The following SCYL2 variants were observed in gnomAD, a reference collection of about 807,000 sequenced individuals.
The protein encoded by SCYL2 is SCY1 like pseudokinase 2, also known as SCY1-like protein 2.
Under a neutral mutation model 100.4 loss-of-function variants are expected in SCYL2, and 36 were observed. That is an observed-to-expected ratio of 0.36 (90% CI 0.27 to 0.47). SCYL2 has a LOEUF of 0.47. Among genes scored for constraint, SCYL2 ranks in the 20% least tolerant of loss-of-function variants. The pLI, the probability that SCYL2 is intolerant of heterozygous loss-of-function variation, is 1.00. For missense variants in SCYL2, 902 were observed against 1,083.9 expected (o/e 0.83, Z 2.36); for synonymous variants, 330 against 359.2 (o/e 0.92, Z 0.92).
intron 13 of SCYL2, among the ~76,000 whole-genome samples, chr12:100,332,459 C>G (rs1952222312): frequency 6.6e-6 from 1 of 152,114 alleles, no homozygotes; most frequent in Non-Finnish European, 1.5e-5. Context: ...TTTAGGCCTA[C>G]AATGTTAACT....
chr12:100,306,886 G>A (rs552275244), intron 4 of SCYL2, among the ~76,000 whole-genome samples: 48 of 152,154 alleles, frequency 3.2e-4, no homozygotes, highest in African/African-American at 1.0e-3. Flanking sequence ...AGTGAACTCC[G>A]ATTCACAATT....
intron 10 of SCYL2, among the ~76,000 whole-genome samples, chr12:100,322,321 C>T (rs1360112427): frequency 2.2e-5 from 3 of 134,484 alleles, no homozygotes; most frequent in East Asian, 2.2e-4. Flanking sequence ...TGCAGTGAGC[C>T]GAGATCGCGC....
chr12:100,286,863 G>A (rs182452954), intron 2 of SCYL2, among the ~76,000 whole-genome samples: 118 of 152,190 alleles, frequency 7.8e-4, no homozygotes, highest in Middle Eastern at 3.4e-3. Context: ...TGCTAGTCAT[G>A]TCACTTAGAC....
chr12:100,297,258 A>G (rs1266291044), intron 3 of SCYL2, among the ~76,000 whole-genome samples: 1 of 152,158 alleles, frequency 6.6e-6, no homozygotes, highest in African/African-American at 2.4e-5. Context: ...TGGGTCTATT[A>G]TCACCATTTT....
At chr12:100,278,181 A>C (rs1277315669) in intron 1 of SCYL2, among the ~76,000 whole-genome samples, 2 of 151,972 alleles carry the variant, frequency 1.3e-5, no homozygotes, top group African/African-American at 4.8e-5. Flanking sequence ...TGGTTTAAAA[A>C]CTTTAAGTTT....
chr12:100,311,899 C>T (rs1474119846), intron 5 of SCYL2, among the ~76,000 whole-genome samples: 1 of 152,090 alleles, frequency 6.6e-6, no homozygotes, highest in African/African-American at 2.4e-5. Flanking sequence ...TATATGTAGT[C>T]GTTAGAGGGC....
chr12:100,294,942 G>A (rs2096317125), intron 3 of SCYL2, among the ~76,000 whole-genome samples: 1 of 151,434 alleles, frequency 6.6e-6, no homozygotes, highest in African/African-American at 2.4e-5. Context: ...CTTCTCAGAC[G>A]GGGCGGTTGC....
chr12:100,329,423 G>T, intron 13 of SCYL2, 104 bp downstream of exon 13: 1 of 591,308 alleles, frequency 1.7e-6, no homozygotes, highest in Admixed American at 2.4e-5. Flanking sequence ...AAAGGGTGAG[G>T]GGAGAATATG....
chr12:100,304,522 C>T (rs546848929), intron 4 of SCYL2, among the ~76,000 whole-genome samples: 11 of 152,128 alleles, frequency 7.2e-5, no homozygotes, highest in East Asian at 1.9e-4. Context: ...GGGAGTTCCC[C>T]GACCCCTTGA....
intron 3 of SCYL2, among the ~76,000 whole-genome samples, chr12:100,295,125 C>T (rs1339847306): frequency 4.0e-5 from 6 of 151,724 alleles, no homozygotes; most frequent in Admixed American, 3.9e-4. Context: ...ACGCTCTTCA[C>T]TTCCTAGATG....
intron 13 of SCYL2, among the ~76,000 whole-genome samples, chr12:100,332,301 G>A (rs1231754264): frequency 6.6e-6 from 1 of 152,154 alleles, no homozygotes; most frequent in Non-Finnish European, 1.5e-5. Flanking sequence ...AGGAAGGCAG[G>A]TGTACAGCAT....
chr12:100,319,027 A>G (rs1349139035), intron 10 of SCYL2, among the ~76,000 whole-genome samples: 3 of 152,242 alleles, frequency 2.0e-5, no homozygotes, highest in Non-Finnish European at 4.4e-5. Context: ...GTTTTGTAGT[A>G]AAAGCTTATA....
intron 4 of SCYL2, among the ~76,000 whole-genome samples, chr12:100,299,434 A>T (rs909051923): frequency 1.3e-5 from 2 of 152,160 alleles, no homozygotes; most frequent in Admixed American, 1.3e-4. Context: ...CTTACCTGTG[A>T]AACCATCACC....
At position 100,269,137 on chromosome 12, in the gene SCYL2, A is replaced by G. The variant is rs2096284289; in HGVS notation, c.-29+1345A>G. Among the ~76,000 whole-genome samples the G allele has an allele frequency of 5.9e-5, 9 of 152,134 alleles. No homozygotes were observed. In the South Asian group the frequency reaches 1.9e-3, roughly 31 times the overall value. Reference sequence around the variant, plus strand: ...TAAAATCTTTCAGTGGCTTCTCACCATTTTTAAGTAAATCGAACACATTAA... The same window carrying G: ...TAAAATCTTTCAGTGGCTTCTCACCGTTTTTAAGTAAATCGAACACATTAA... On this transcript the variant is annotated intron_variant, in intron 1 of 17. Coordinates refer to ENST00000360820, the MANE Select transcript of SCYL2 (RefSeq NM_017988.6).
intron 8 of SCYL2, 33 bp from the exon 9 acceptor site, chr12:100,315,525 A>T (rs773858941): frequency 1.3e-4 from 195 of 1,486,616 alleles, no homozygotes; most frequent in Admixed American, 2.6e-4. Context: ...AATAAATTTT[A>T]TTTTTTTTTT....
rs896307371 is a variant in SCYL2, at chr12:100,282,933, G to T, written c.-28-10G>T. On this transcript the variant is annotated splice_polypyrimidine_tract_variant and intron_variant, in intron 1 of 17. Transcript: ENST00000360820. ...ATGATCAGTTCTCCACTATCCTTCT[G>T]TTTTTCTAGGTAACTATAACTACCC... The T allele has an allele frequency of 1.4e-6, 2 of 1,379,442 alleles. No homozygotes were observed. The highest frequency in any genetic ancestry group is 2.0e-6 in the Non-Finnish European group (2 of 999,676). 85.5% of individuals were successfully genotyped at this position (1,379,442 alleles called of 1,614,324 possible). A position where few individuals can be genotyped will look rare whatever the true frequency, so the allele number is the denominator to read the frequency against.
rs1438025785 is a variant in SCYL2, at chr12:100,316,097, TTTGA to T, written c.1272+366_1272+369del. Among the ~76,000 whole-genome samples, 5 of 152,370 alleles carry T rather than the reference TTTGA, an allele frequency of 3.3e-5. No individual in the cohort carries two copies. The East Asian group carries it at 9.6e-4, about 29-fold the overall frequency. ...TGCACTTTGAAGTATTTGAAGTATTTTTGATTATTTTGTTATTTAAGTCTTTAAT... is the reference window on the plus strand; with the variant it reads ...TGCACTTTGAAGTATTTGAAGTATTTTTATTTTGTTATTTAAGTCTTTAAT... On this transcript the variant is annotated intron_variant, in intron 9 of 17. Coordinates refer to ENST00000360820, the MANE Select transcript of SCYL2 (RefSeq NM_017988.6).
At chr12:100,332,032 A>G (rs944864378) in intron 13 of SCYL2, among the ~76,000 whole-genome samples, 2 of 152,202 alleles carry the variant, frequency 1.3e-5, no homozygotes, top group African/African-American at 4.8e-5. Flanking sequence ...GCTGTGCTCT[A>G]CTATGGTGAA....
At chr12:100,288,003 A>G in intron 2 of SCYL2, among the ~76,000 whole-genome samples, 1 of 152,174 alleles carries the variant, frequency 6.6e-6, no homozygotes. Flanking sequence ...AGGTGACTGG[A>G]CTTTTGCATA....
Sources: allele counts gnomAD v4.1 joint callset (sites outside exome capture counted in the v4.1 genomes callset), GRCh38; gene constraint gnomAD v4.1.1; transcripts MANE v1.5; gene names NCBI Gene and HGNC (gene_info 2026-07-23, HGNC 2026-07-21).